SLC6A11: variants seen among roughly 807,000 people sequenced by gnomAD.
SLC6A11 encodes the protein solute carrier family 6 member 11, also known as sodium- and chloride-dependent GABA transporter 3.
A neutral mutation model predicts 74.8 loss-of-function variants in SLC6A11; 25 were observed. The observed-to-expected ratio is 0.33, with a 90% CI of 0.24 to 0.47. SLC6A11 has a LOEUF of 0.47. Ranked by LOEUF, SLC6A11 falls within the 20% of genes least tolerant of loss-of-function variation. SLC6A11 has a pLI of 1.00. For synonymous variants in SLC6A11, 330 were observed against 330.2 expected, an observed-to-expected ratio of 1.00 and a Z score of 0.01; for missense variants, 574 against 837.0, an observed-to-expected ratio of 0.69 and a Z score of 3.88.
In SLC6A11 at chr3:10,839,918, C is replaced by T. The variant is rs1694415796; in HGVS notation, c.624-4296C>T. On this transcript the variant is annotated intron_variant, in intron 4 of 13. Transcript: ENST00000254488. Reference sequence around the variant, plus strand: ...CCTGGCTCTTCCTGCTGCTGGCTGCCCCAGGCAGTCCTCTTGTGCCTCTGC... The same window carrying T: ...CCTGGCTCTTCCTGCTGCTGGCTGCTCCAGGCAGTCCTCTTGTGCCTCTGC... 2.0e-5 allele frequency among the ~76,000 whole-genome samples: 3 copies of T among 152,140 alleles called. No homozygotes were observed. The South Asian group carries it at 6.2e-4, about 31-fold the overall frequency.
In SLC6A11 at chr3:10,914,166, C is replaced by T. The variant is rs536945388; in HGVS notation, c.995+1973C>T. On this transcript the variant is annotated intron_variant, in intron 7 of 13. Transcript: ENST00000254488. ...ACCATGCATTTGAAAGAACTTTCAC[C>T]GGTGATAGCGTCCCTCCCACATTAC... Among the ~76,000 whole-genome samples, 89 of 152,202 alleles carry T rather than the reference C, an allele frequency of 5.8e-4. No individual in the cohort carries two copies. In the South Asian group the frequency reaches 9.4e-3, roughly 16 times the overall value.
At chr3:10,863,420 C>T (rs1020587020) in intron 5 of SLC6A11, among the ~76,000 whole-genome samples, 6 of 152,234 alleles carry the variant, frequency 3.9e-5, no homozygotes, top group African/African-American at 1.4e-4. Flanking sequence ...AGTTCATCTG[C>T]TGCATTGCTA....
chr3:10,853,349 A>G (rs1271606087), intron 5 of SLC6A11, among the ~76,000 whole-genome samples: 1 of 152,212 alleles, frequency 6.6e-6, no homozygotes, highest in Non-Finnish European at 1.5e-5. Flanking sequence ...CGCAGCTGGC[A>G]TGCTGCAGGG....
intron 5 of SLC6A11, among the ~76,000 whole-genome samples, chr3:10,855,180 A>C (rs548227735): frequency 6.6e-6 from 1 of 152,274 alleles, no homozygotes; most frequent in South Asian, 2.1e-4. Context: ...CACAGGTGAC[A>C]ATTAGCTAAG....
chr3:10,860,919 G>A (rs888690624), intron 5 of SLC6A11, among the ~76,000 whole-genome samples: 1 of 152,208 alleles, frequency 6.6e-6, no homozygotes, highest in African/African-American at 2.4e-5. Flanking sequence ...TACATAAGAG[G>A]TTGAAAATAT....
At chr3:10,839,880 G>A (rs1374604273) in intron 4 of SLC6A11, among the ~76,000 whole-genome samples, 1 of 152,126 alleles carries the variant, frequency 6.6e-6, no homozygotes, top group African/African-American at 2.4e-5. Flanking sequence ...CGTGAGCCTG[G>A]TGTCAGCCTA....
At chr3:10,903,206 C>G (rs1695262101) in intron 6 of SLC6A11, among the ~76,000 whole-genome samples, 1 of 152,204 alleles carries the variant, frequency 6.6e-6, no homozygotes, top group Non-Finnish European at 1.5e-5. Context: ...TCAGCTGATG[C>G]TGGCTTTGGT....
intron 5 of SLC6A11, among the ~76,000 whole-genome samples, chr3:10,872,702 T>C (rs1477323243): frequency 1.3e-5 from 2 of 152,164 alleles, no homozygotes; most frequent in Non-Finnish European, 2.9e-5. Flanking sequence ...AGTAGGTGAA[T>C]GAACTGAGTC....
Position 10,933,219 on chromosome 3 carries a change from C to T in SLC6A11, c.1440C>T (p.Ala480=). Residue 480 remains alanine, a synonymous_variant, in exon 11 of 14, where the codon GCC becomes GCT. Coordinates refer to ENST00000254488, the MANE Select transcript of SLC6A11 (RefSeq NM_014229.3). The part of the protein sequence containing the change: ...AASGMCLLFV[A]IFECICIGWV... ...GTGGGATGTGCCTTCTCTTCGTGGC[C>T]ATCTTTGAGTGCATCTGCATCGGCT... is the stretch of plus-strand genomic sequence containing the variant. The T allele has an allele frequency of 1.9e-6, 3 of 1,614,028 alleles. No individual in the cohort carries two copies. The highest frequency in any genetic ancestry group is 2.5e-6 in the Non-Finnish European group (3 of 1,179,934).
At chr3:10,830,557 C>T (rs571652418) in intron 4 of SLC6A11, among the ~76,000 whole-genome samples, 1 of 152,266 alleles carries the variant, frequency 6.6e-6, no homozygotes, top group East Asian at 1.9e-4. Context: ...GATCAGTTTC[C>T]TGAAGAAAAA....
intron 8 of SLC6A11, among the ~76,000 whole-genome samples, chr3:10,920,558 GC>G (rs1281539115): frequency 3.3e-5 from 5 of 152,170 alleles, no homozygotes; most frequent in African/African-American, 9.7e-5. Flanking sequence ...CACTTGTCAG[GC>G]CGTAAGATAG....
intron 5 of SLC6A11, among the ~76,000 whole-genome samples, chr3:10,874,622 G>A (rs1694885333): frequency 6.6e-6 from 1 of 152,240 alleles, no homozygotes; most frequent in Middle Eastern, 3.4e-3. Context: ...GGTCTCTAGA[G>A]CTGATACATC....
intron 6 of SLC6A11, among the ~76,000 whole-genome samples, chr3:10,880,647 C>G (rs1018690472): frequency 6.6e-6 from 1 of 152,142 alleles, no homozygotes; most frequent in Non-Finnish European, 1.5e-5. Flanking sequence ...CCGTTGGTCC[C>G]CAGGGCTGCT....
At chr3:10,867,527 C>T (rs527497335) in intron 5 of SLC6A11, among the ~76,000 whole-genome samples, 99 of 152,324 alleles carry the variant, frequency 6.5e-4, no homozygotes, top group African/African-American at 2.3e-3. Flanking sequence ...GTATCAGGTT[C>T]ACAGAAGGTT....
intron 5 of SLC6A11, among the ~76,000 whole-genome samples, chr3:10,856,137 CT>C (rs1694636050): frequency 1.3e-5 from 2 of 152,242 alleles, no homozygotes; most frequent in Admixed American, 6.5e-5. Flanking sequence ...TCCCTCACCC[CT>C]GGCGGTGGCT....
chr3:10,840,163 C>G (rs1320311677), intron 4 of SLC6A11, among the ~76,000 whole-genome samples: 2 of 152,194 alleles, frequency 1.3e-5, no homozygotes, highest in Admixed American at 6.5e-5. Context: ...GGCTCACAGT[C>G]TAGCCCCTGC....
intron 7 of SLC6A11, among the ~76,000 whole-genome samples, chr3:10,916,490 G>A (rs1325468071): frequency 6.6e-6 from 1 of 152,222 alleles, no homozygotes; most frequent in African/African-American, 2.4e-5. Context: ...CAAGGTCCAA[G>A]CCAGGCTCAA....
intron 5 of SLC6A11, among the ~76,000 whole-genome samples, chr3:10,858,223 G>C (rs1694661614): frequency 6.6e-6 from 1 of 152,182 alleles, no homozygotes; most frequent in Non-Finnish European, 1.5e-5. Context: ...GAATTAAAGA[G>C]ACAGCCTTTC....
intron 8 of SLC6A11, among the ~76,000 whole-genome samples, chr3:10,919,686 C>T (rs1365670921): frequency 2.0e-5 from 3 of 152,236 alleles, no homozygotes; most frequent in Non-Finnish European, 4.4e-5. Flanking sequence ...ATCAGGCGTA[C>T]AAGCTAGACC....
Sources: allele counts gnomAD v4.1 joint callset (sites outside exome capture counted in the v4.1 genomes callset), GRCh38; gene constraint gnomAD v4.1.1; transcripts MANE v1.5; gene names NCBI Gene and HGNC (gene_info 2026-07-23, HGNC 2026-07-21).